Variants in PABPC4L observed in about 807,000 individuals in gnomAD.
PABPC4L encodes the protein poly(A) binding protein cytoplasmic 4 like.
For missense variants in PABPC4L, 452 were observed against 451.4 expected (o/e 1.00, Z -0.01); for synonymous variants, 169 against 164.1 (o/e 1.03, Z -0.23).
chr4:133,987,232 G>A, the PABPC4L span, among the ~76,000 whole-genome samples: 17 of 152,218 alleles, frequency 1.1e-4, no homozygotes, highest in Admixed American at 1.0e-3. Context: ...ATGCATCAGG[G>A]TGAATACATT....
chr4:134,108,903 G>A, the PABPC4L span, among the ~76,000 whole-genome samples: 4 of 151,854 alleles, frequency 2.6e-5, no homozygotes, highest in Non-Finnish European at 5.9e-5. Flanking sequence ...CTAATAATGT[G>A]TTCAGAAGAA....
the PABPC4L span, among the ~76,000 whole-genome samples, chr4:134,067,947 A>G: frequency 2.0e-5 from 3 of 152,094 alleles, no homozygotes; most frequent in Non-Finnish European, 4.4e-5. Flanking sequence ...ATGGCTGACT[A>G]TATGGTTGCT....
the PABPC4L span, among the ~76,000 whole-genome samples, chr4:134,026,241 AT>A: frequency 0.27 from 39,684 of 145,606 alleles, 5,350 homozygotes; most frequent in Non-Finnish European, 0.3. Context: ...AATTTTTGCG[AT>A]TTTTTTTTTT....
chr4:134,053,508 A>T, the PABPC4L span, among the ~76,000 whole-genome samples: 10 of 152,220 alleles, frequency 6.6e-5, no homozygotes, highest in Admixed American at 5.9e-4. Flanking sequence ...AGAGCTAATT[A>T]TCTAGAAAAT....
the PABPC4L span, among the ~76,000 whole-genome samples, chr4:134,184,557 C>T: frequency 2.0e-5 from 3 of 151,946 alleles, no homozygotes; most frequent in African/African-American, 7.2e-5. Flanking sequence ...TCCTCCATAT[C>T]TTTTCATGGC....
the PABPC4L span, among the ~76,000 whole-genome samples, chr4:134,133,391 TAATA>T: frequency 7.0e-6 from 1 of 143,684 alleles, no homozygotes; most frequent in South Asian, 2.1e-4. Context: ...TAATATATAA[TAATA>T]AATATTATAT....
the PABPC4L span, among the ~76,000 whole-genome samples, chr4:134,044,029 T>G: frequency 4.6e-5 from 7 of 151,726 alleles, no homozygotes; most frequent in South Asian, 1.5e-3. Flanking sequence ...TAGGCTGGAG[T>G]GCAGGGGCAC....
chr4:134,074,105 G>A, the PABPC4L span, among the ~76,000 whole-genome samples: 1 of 152,136 alleles, frequency 6.6e-6, no homozygotes, highest in Non-Finnish European at 1.5e-5. Context: ...AGAAAATAGG[G>A]TTTTGTTTTC....
chr4:134,110,878 A>C, the PABPC4L span, among the ~76,000 whole-genome samples: 1 of 151,976 alleles, frequency 6.6e-6, no homozygotes, highest in Admixed American at 6.6e-5. Flanking sequence ...TTTCTGATCC[A>C]CAGTTGGTTG....
chr4:134,125,232 G>C, the PABPC4L span, among the ~76,000 whole-genome samples: 1 of 151,144 alleles, frequency 6.6e-6, no homozygotes, highest in Admixed American at 6.6e-5. Flanking sequence ...ATTGAACCTG[G>C]GTACTCCTTT....
In PABPC4L at chr4:134,200,009, G is replaced by C; in HGVS notation, c.1011C>G (p.Ile337Met). 1 of 1,551,684 alleles carries C rather than the reference G, an allele frequency of 6.4e-7. No homozygotes were observed. Residue 337 changes from isoleucine (I) to methionine (M), a missense_variant, in exon 2 of 2, where the codon ATC (isoleucine) becomes ATG (methionine). Coordinates refer to ENST00000421491, the MANE Select transcript of PABPC4L (RefSeq NM_001114734.2). ...TAGCATCCTCAGGAGAGGAGAAGCA[G>C]ATCAAGCCAAACCCTTTGCTCTGCC... Reference protein sequence around the residue: ...EEGQSKGFGLICFSSPEDATK... With the variant: ...EEGQSKGFGLMCFSSPEDATK...
At chr4:134,028,520 A>G in the PABPC4L span, among the ~76,000 whole-genome samples, 2 of 151,588 alleles carry the variant, frequency 1.3e-5, no homozygotes, top group African/African-American at 2.4e-5. Context: ...TGGGAATCCT[A>G]GCTGACTTCT....
the PABPC4L span, among the ~76,000 whole-genome samples, chr4:134,053,298 T>A: frequency 2.0e-5 from 3 of 152,156 alleles, no homozygotes; most frequent in Admixed American, 6.6e-5. Context: ...TTGATTTGAT[T>A]ATTCATGTTG....
the PABPC4L span, among the ~76,000 whole-genome samples, chr4:134,162,778 GA>G: frequency 6.6e-6 from 1 of 151,974 alleles, no homozygotes; most frequent in Non-Finnish European, 1.5e-5. Flanking sequence ...GGTTAACAAT[GA>G]AATCAAGATA....
the PABPC4L span, among the ~76,000 whole-genome samples, chr4:134,175,734 T>A: frequency 1.3e-5 from 2 of 152,110 alleles, no homozygotes; most frequent in African/African-American, 2.4e-5. Flanking sequence ...CAGGTGTGAG[T>A]CACTGTGCCT....
At chr4:134,044,832 A>G in the PABPC4L span, among the ~76,000 whole-genome samples, 1 of 152,180 alleles carries the variant, frequency 6.6e-6, no homozygotes, top group South Asian at 2.1e-4. Context: ...CATTCTCTCC[A>G]TACCTTATTA....
chr4:134,133,050 ATATT>A, the PABPC4L span, among the ~76,000 whole-genome samples: 1 of 139,120 alleles, frequency 7.2e-6, no homozygotes, highest in African/African-American at 2.7e-5. Flanking sequence ...TACATTATAT[ATATT>A]ATTTTGTATA....
chr4:133,970,490 CT>C, the PABPC4L span, among the ~76,000 whole-genome samples: 1 of 152,170 alleles, frequency 6.6e-6, no homozygotes, highest in Non-Finnish European at 1.5e-5. Flanking sequence ...TTGAAAATTG[CT>C]TTTGGCTATC....
Position 134,200,083 on chromosome 4 carries a change from A to G in PABPC4L, c.937T>C (p.Phe313Leu). Residue 313 changes from phenylalanine to leucine, a missense_variant, in exon 2 of 2, where the codon TTT becomes CTT. By Grantham distance (22) the Phe-to-Leu change is conservative. Transcript: ENST00000421491. ...TIDDEKLRNE[F>L]SSFGSISRVK... ...CTGCTAATTGATCCAAATGAAGAAA[A>G]TTCGTTTCGTAGTTTTTCATCATCG... 6.4e-7 allele frequency: 1 copy of G among 1,551,594 alleles called. No individual in the cohort carries two copies.
Sources: gnomAD v4.1 joint callset for allele counts (sites outside exome capture counted in the v4.1 genomes callset) on GRCh38, gnomAD v4.1.1 for gene constraint, MANE v1.5 for transcripts, NCBI Gene and HGNC (gene_info 2026-07-23, HGNC 2026-07-21) for gene names.